The following PPFIBP1 variants were observed in gnomAD, a reference collection of about 807,000 sequenced individuals.
The protein encoded by PPFIBP1 is PPFIB scaffold protein 1.
PPFIBP1 carries 112 observed loss-of-function variants against 137.8 expected under a neutral mutation model. That is an observed-to-expected ratio of 0.81 (90% CI 0.70 to 0.95). The LOEUF (loss-of-function observed/expected upper bound fraction) is 0.95, where lower values mean the gene tolerates loss of function less well. Ranked by LOEUF, PPFIBP1 falls within the 40% of genes least tolerant of loss-of-function variation. The pLI is 0.00. For synonymous variants in PPFIBP1, 378 were observed against 417.3 expected (o/e 0.91, Z 1.15); for missense variants, 1,083 against 1,196.6 (o/e 0.91, Z 1.40).
intron 1 of PPFIBP1, among the ~76,000 whole-genome samples, chr12:27,566,265 A>G (rs2049657358): frequency 6.6e-6 from 1 of 152,126 alleles, no homozygotes; most frequent in Non-Finnish European, 1.5e-5. Context: ...TTTTTGCCAC[A>G]TGCTAGGTTT....
At chr12:27,559,495 G>A (rs2048987035) in intron 1 of PPFIBP1, among the ~76,000 whole-genome samples, 1 of 152,150 alleles carries the variant, frequency 6.6e-6, no homozygotes, top group Non-Finnish European at 1.5e-5. Flanking sequence ...ACATCAATGA[G>A]TATGTATGAT....
intron 4 of PPFIBP1, among the ~76,000 whole-genome samples, chr12:27,641,833 G>A (rs573312470): frequency 6.6e-6 from 1 of 152,208 alleles, no homozygotes; most frequent in South Asian, 2.1e-4. Flanking sequence ...ACAGGGGGCG[G>A]GACAATGATC....
chr12:27,643,467 G>T (rs1389541349), intron 4 of PPFIBP1, among the ~76,000 whole-genome samples: 2 of 134,580 alleles, frequency 1.5e-5, no homozygotes, highest in East Asian at 4.3e-4. Context: ...ACTGTCGCTG[G>T]CATATAGCAA....
chr12:27,690,814 A>T (rs1203737811), intron 27 of PPFIBP1, among the ~76,000 whole-genome samples: 1 of 152,132 alleles, frequency 6.6e-6, no homozygotes, highest in Non-Finnish European at 1.5e-5. Flanking sequence ...AATACACTTT[A>T]AAAATGATTG....
intron 2 of PPFIBP1, among the ~76,000 whole-genome samples, chr12:27,614,897 A>G (rs114113037): frequency 0.014 from 2,179 of 152,114 alleles, 52 homozygotes; most frequent in African/African-American, 0.049. Flanking sequence ...TTAATGAAAC[A>G]GAAAAATTCC....
rs142491785 is a variant in PPFIBP1 at position 27,575,104 on chromosome 12, A to T, written c.-123-3048A>T. ...GGCTTTTTAGACCAGAGGTCAGCAAATCTTTTCTTAAAAGGCCAGATATAA... is the reference window on the plus strand; with the variant it reads ...GGCTTTTTAGACCAGAGGTCAGCAATTCTTTTCTTAAAAGGCCAGATATAA... On this transcript the variant is annotated intron_variant, in intron 1 of 29. Transcript: ENST00000228425. Among the ~76,000 whole-genome samples, 394 of 152,312 alleles carry T rather than the reference A, an allele frequency of 2.6e-3. 3 individuals are homozygous for T. The highest frequency in any genetic ancestry group is 0.014 in the Middle Eastern group (4 of 294).
intron 4 of PPFIBP1, chr12:27,635,442 C>A (rs1442849003): frequency 2.7e-5 from 13 of 475,842 alleles, no homozygotes; most frequent in Admixed American, 7.1e-5. Context: ...TAGATGATTT[C>A]TCAGTCATAT....
At position 27,588,564 on chromosome 12, in the gene PPFIBP1, T is replaced by C. The variant is rs117360308; in HGVS notation, c.-36+10325T>C. Among the ~76,000 whole-genome samples the C allele has an allele frequency of 2.6e-5, 4 of 152,334 alleles. No homozygotes were observed. The East Asian group carries it at 7.7e-4, about 29-fold the overall frequency. On this transcript the variant is annotated intron_variant, in intron 2 of 29. Transcript: ENST00000228425. ...TGAAGATGTTTGAAGGGTTTTCTTT[T>C]CCTTTCTGAGTGGGTATGCAGGAAA... is the stretch of plus-strand genomic sequence containing the variant.
chr12:27,651,234 A>G (rs775261721), intron 7 of PPFIBP1, among the ~76,000 whole-genome samples: 5 of 151,822 alleles, frequency 3.3e-5, no homozygotes, highest in Non-Finnish European at 5.9e-5. Context: ...TGCTTCCTCC[A>G]TAGCAAAAGG....
intron 16 of PPFIBP1, 41 bp downstream of exon 16, chr12:27,673,868 G>GAAAAAAAA (rs1241980073): frequency 1.3e-6 from 2 of 1,495,370 alleles, no homozygotes; most frequent in Admixed American, 1.8e-5. Flanking sequence ...CTGTTATCCT[G>GAAAAAAAA]AGAAAAAACT....
chr12:27,629,486 G>A (rs1330342490), intron 2 of PPFIBP1, among the ~76,000 whole-genome samples: 1 of 152,096 alleles, frequency 6.6e-6, no homozygotes, highest in Non-Finnish European at 1.5e-5. Flanking sequence ...TCATATAAAA[G>A]TATCATACAG....
intron 1 of PPFIBP1, among the ~76,000 whole-genome samples, chr12:27,534,277 T>G (rs1944730947): frequency 6.6e-6 from 1 of 151,284 alleles, no homozygotes; most frequent in Non-Finnish European, 1.5e-5. Flanking sequence ...GAAGAGAGGA[T>G]AGGGGAAATG....
At chr12:27,576,546 A>G (rs538149924) in intron 1 of PPFIBP1, among the ~76,000 whole-genome samples, 16 of 152,250 alleles carry the variant, frequency 1.1e-4, no homozygotes, top group East Asian at 5.8e-4. Flanking sequence ...TGAGGGGGCT[A>G]AGTAGGGAAG....
chr12:27,657,957 T>C (rs1488442108), intron 9 of PPFIBP1, among the ~76,000 whole-genome samples: 1 of 151,808 alleles, frequency 6.6e-6, no homozygotes, highest in East Asian at 1.9e-4. Flanking sequence ...AAAATTTCTT[T>C]TTAAGATTTG....
rs1032365689 is a variant in PPFIBP1, at chr12:27,592,589, G to A, written c.-36+14350G>A. 27 of 1,551,486 alleles carry A rather than the reference G, an allele frequency of 1.7e-5. No homozygotes were observed. In the African/African-American group the frequency reaches 1.9e-4, roughly 11 times the overall value. ...ACAGGATGATACCTCCTCAGCAGAG[G>A]GGAGAGGATATGCTGCCTCAGCCAG... On this transcript the variant is annotated intron_variant, in intron 2 of 29. Coordinates refer to ENST00000228425, the MANE Select transcript of PPFIBP1 (RefSeq NM_003622.4).
intron 2 of PPFIBP1, among the ~76,000 whole-genome samples, chr12:27,620,618 T>C (rs542618112): frequency 6.6e-6 from 1 of 152,250 alleles, no homozygotes. Flanking sequence ...TGCGCTCTGC[T>C]GCCAGACTGT....
At position 27,583,959 on chromosome 12, in the gene PPFIBP1, A is replaced by C. The variant is rs1414554040; in HGVS notation, c.-36+5720A>C. Among the ~76,000 whole-genome samples the C allele has an allele frequency of 2.6e-5, 4 of 151,838 alleles. No individual in the cohort carries two copies. The East Asian group carries it at 7.7e-4, about 29-fold the overall frequency. ...ACTCTTTACTTGATAAAATCAGTTG[A>C]TTCTTCTTTTTTTGTGGTAGTTGTG... On this transcript the variant is annotated intron_variant, in intron 2 of 29. Coordinates refer to ENST00000228425, the MANE Select transcript of PPFIBP1 (RefSeq NM_003622.4).
intron 12 of PPFIBP1, among the ~76,000 whole-genome samples, chr12:27,666,597 G>C (rs943206079): frequency 6.6e-6 from 1 of 152,086 alleles, no homozygotes; most frequent in Non-Finnish European, 1.5e-5. Flanking sequence ...TTGCAGCTTT[G>C]GTGAATATGT....
intron 2 of PPFIBP1, among the ~76,000 whole-genome samples, chr12:27,591,909 C>G (rs1231039157): frequency 6.6e-6 from 1 of 152,196 alleles, no homozygotes; most frequent in African/African-American, 2.4e-5. Flanking sequence ...GCCACTCACT[C>G]AAGCCCTGCA....
Sources: allele counts gnomAD v4.1 joint callset (sites outside exome capture counted in the v4.1 genomes callset), GRCh38; gene constraint gnomAD v4.1.1; transcripts MANE v1.5; gene names NCBI Gene and HGNC (gene_info 2026-07-23, HGNC 2026-07-21).